The following XPO4 variants were observed in gnomAD, a reference collection of about 807,000 sequenced individuals.
The protein encoded by XPO4 is exportin 4.
A neutral mutation model predicts 143.0 loss-of-function variants in XPO4; 39 were observed. The ratio of observed to expected loss-of-function variants is 0.27; its 90% CI spans 0.21 to 0.36. XPO4 has a LOEUF of 0.36. XPO4 is among the 10% of genes least tolerant of loss of function. XPO4 has a pLI of 1.00. For missense variants in XPO4, 907 were observed against 1,348.0 expected (o/e 0.67, Z 5.12); for synonymous variants, 439 against 474.0 (o/e 0.93, Z 0.96).
At chr13:20,883,059 C>T (rs2060428379) in intron 1 of XPO4, among the ~76,000 whole-genome samples, 1 of 152,194 alleles carries the variant, frequency 6.6e-6, no homozygotes, top group African/African-American at 2.4e-5. Context: ...GCTGCTCTCC[C>T]CTACAACTAC....
chr13:20,848,821 T>C, intron 4 of XPO4: 1 of 985,280 alleles, frequency 1.0e-6, no homozygotes, highest in Non-Finnish European at 1.2e-6. Flanking sequence ...TACAAGACAA[T>C]TTTAATATGT....
chr13:20,831,066 T>TA (rs549376550), intron 6 of XPO4, among the ~76,000 whole-genome samples: 10 of 151,702 alleles, frequency 6.6e-5, no homozygotes, highest in East Asian at 5.8e-4. Flanking sequence ...GTATAAGAAA[T>TA]AAAAAAAACC....
chr13:20,822,809 C>T (rs1320297422), intron 7 of XPO4, among the ~76,000 whole-genome samples: 4 of 152,216 alleles, frequency 2.6e-5, no homozygotes, highest in Non-Finnish European at 4.4e-5. Flanking sequence ...TATTAATTCT[C>T]AGTTTGCTTA....
chr13:20,780,473 G>A lies in XPO4; in HGVS notation c.*3249C>T, dbSNP rs2059130376. The A allele has an allele frequency of 6.6e-6, 1 of 152,082 alleles. No individual in the cohort carries two copies. Among genetic ancestry groups the A allele is most frequent in the Non-Finnish European group, 1.5e-5 (1 of 68,006 alleles). The allele number at this position is 152,082 out of a possible 1,614,324, so 9.4% of individuals were successfully genotyped here. ...TAAAGACTTGACATTTTTGTTAAAA[G>A]AGAAAGTTCAAAGACAGTTAAGGGG... On this transcript the variant is annotated 3_prime_UTR_variant, in exon 23 of 23. Transcript: ENST00000255305.
At chr13:20,875,836 A>C (rs2060345640) in intron 1 of XPO4, among the ~76,000 whole-genome samples, 2 of 152,328 alleles carry the variant, frequency 1.3e-5, no homozygotes, top group South Asian at 4.1e-4. Flanking sequence ...ACTAGCATAC[A>C]GGTCTCCCAA....
chr13:20,823,663 T>C (rs112026733), intron 7 of XPO4, among the ~76,000 whole-genome samples: 96 of 152,078 alleles, frequency 6.3e-4, no homozygotes, highest in African/African-American at 1.9e-3. Flanking sequence ...TCTTTTTTTT[T>C]CCCCCGAAAC....
chr13:20,804,266 C>T (rs2059474940), intron 13 of XPO4, among the ~76,000 whole-genome samples: 1 of 151,114 alleles, frequency 6.6e-6, no homozygotes. Context: ...CACACATACA[C>T]ACAAGCATTG....
intron 13 of XPO4, among the ~76,000 whole-genome samples, chr13:20,805,020 C>T (rs2059486029): frequency 1.3e-5 from 2 of 151,948 alleles, no homozygotes; most frequent in African/African-American, 4.8e-5. Context: ...TCTCAGCTCA[C>T]TGCAACCTCT....
intron 6 of XPO4, among the ~76,000 whole-genome samples, chr13:20,840,039 AAAG>A (rs1416794144): frequency 5.9e-5 from 9 of 152,176 alleles, no homozygotes; most frequent in African/African-American, 2.2e-4. Flanking sequence ...TAGATACAAA[AAAG>A]AAAGCAGATT....
chr13:20,868,673 T>A lies in XPO4; in HGVS notation c.98A>T (p.Gln33Leu), dbSNP rs1392678859. ...MAPPSMVNNEQRQHAEHIFLS... is the reference protein window; with the variant it reads ...MAPPSMVNNELRQHAEHIFLS... ...GAATATGTGCTCTGCATGCTGGCGT[T>A]GTTCATTATTGACCATGGAAGGTGG... is the stretch of plus-strand genomic sequence containing the variant. The change falls in exon 2 of 23, where the codon CAA becomes CTA. Residue 33 changes from glutamine to leucine, a missense_variant. Transcript: ENST00000255305. 3.7e-6 allele frequency: 6 copies of A among 1,613,212 alleles called. No individual in the cohort carries two copies. The highest frequency in any genetic ancestry group is 5.1e-6 in the Non-Finnish European group (6 of 1,179,546).
intron 4 of XPO4, chr13:20,849,213 C>T: frequency 1.0e-6 from 1 of 985,394 alleles, no homozygotes; most frequent in Non-Finnish European, 1.2e-6. Flanking sequence ...GAAAGGTTGC[C>T]ATACATAAAG....
At chr13:20,851,580 G>T in intron 4 of XPO4, 1 of 476,482 alleles carries the variant, frequency 2.1e-6, no homozygotes, top group Non-Finnish European at 2.7e-6. Context: ...GTGGTGGCAT[G>T]CACCTGTAGT....
rs757406326 is a variant in XPO4, at chr13:20,807,597, C to T, written c.1677G>A (p.Pro559=). ...ATTCCATTATTTCTGGAGGTATTAG[C>T]GGAGTCTCTCCCTGAGTATCATCAG... ...LLADDTQGET[P]LIPPEIMEYS... is the part of the protein sequence containing the mutation. The change falls in exon 13 of 23, where the codon CCG becomes CCA. Residue 559 remains proline (P), a synonymous_variant. Coordinates refer to ENST00000255305, the MANE Select transcript of XPO4 (RefSeq NM_022459.5). 6 of 1,610,544 alleles carry T rather than the reference C, an allele frequency of 3.7e-6. No homozygotes were observed. The highest frequency in any genetic ancestry group is 2.2e-5 in the South Asian group (2 of 90,250).
At chr13:20,870,291 C>T (rs922725621) in intron 1 of XPO4, among the ~76,000 whole-genome samples, 3 of 150,238 alleles carry the variant, frequency 2.0e-5, no homozygotes, top group Non-Finnish European at 4.4e-5. Context: ...ATTAGCCAGG[C>T]ATGGTGGTGC....
chr13:20,886,179 C>G (rs1012855221), intron 1 of XPO4, among the ~76,000 whole-genome samples: 1 of 152,100 alleles, frequency 6.6e-6, no homozygotes, highest in African/African-American at 2.4e-5. Context: ...TAAGGCATAT[C>G]CAAACAAATT....
intron 18 of XPO4, among the ~76,000 whole-genome samples, chr13:20,790,852 G>A (rs2059270779): frequency 6.6e-6 from 1 of 152,244 alleles, no homozygotes; most frequent in Middle Eastern, 3.4e-3. Flanking sequence ...AAGTATTGGG[G>A]AGGTTAAGAG....
At chr13:20,866,127 C>T (rs747979078) in intron 2 of XPO4, 5 of 983,938 alleles carry the variant, frequency 5.1e-6, no homozygotes, top group African/African-American at 1.8e-5. Flanking sequence ...TTTAAAGGAA[C>T]ATTTGATCCT....
chr13:20,825,901 C>T (rs1207593102), intron 7 of XPO4, among the ~76,000 whole-genome samples: 1 of 151,942 alleles, frequency 6.6e-6, no homozygotes, highest in African/African-American at 2.4e-5. Context: ...GATAGATAAC[C>T]TTGTTCTAGA....
intron 3 of XPO4, chr13:20,860,016 T>G (rs2060181804): frequency 5.6e-6 from 1 of 180,106 alleles, no homozygotes; most frequent in African/African-American, 2.4e-5. Context: ...GAAGCTCCCC[T>G]GCTGGCCCTG....
Sources: gnomAD v4.1 joint callset for allele counts (sites outside exome capture counted in the v4.1 genomes callset) on GRCh38, gnomAD v4.1.1 for gene constraint, MANE v1.5 for transcripts, NCBI Gene and HGNC (gene_info 2026-07-23, HGNC 2026-07-21) for gene names.